The following RBFOX3 variants were observed in gnomAD, a reference collection of about 807,000 sequenced individuals.
The protein encoded by RBFOX3 is RNA binding protein fox-1 homolog 3.
In RBFOX3, 17 loss-of-function variants were observed where a neutral mutation model predicts 48.7. That is an observed-to-expected ratio of 0.35 (90% CI 0.24 to 0.52). The LOEUF (loss-of-function observed/expected upper bound fraction) is 0.52. RBFOX3 is among the 20% of genes least tolerant of loss of function. The pLI, the probability that RBFOX3 is intolerant of heterozygous loss-of-function variation, is 0.94. For synonymous variants in RBFOX3, 212 were observed against 209.5 expected (o/e 1.01, Z -0.10); for missense variants, 382 against 497.5 (o/e 0.77, Z 2.21).
intron 2 of RBFOX3, among the ~76,000 whole-genome samples, chr17:79,429,986 C>A (rs184943189): frequency 1.3e-5 from 2 of 152,040 alleles, no homozygotes; most frequent in African/African-American, 2.4e-5. Flanking sequence ...GGATGCAAGC[C>A]CCCAGCACAT....
chr17:79,611,160 CTCTCTCTCTCTCTCCGCCCTCCT>C (rs2093963066), upstream of RBFOX3, among the ~76,000 whole-genome samples: 70 of 35,764 alleles, frequency 2.0e-3, 8 homozygotes, highest in African/African-American at 3.8e-3. Flanking sequence ...CTCTCTCTCT[CTCTCTCTCTCTCTCCGCCCTCCT>C]TCTCTCTCTC....
the RBFOX3 span, among the ~76,000 whole-genome samples, chr17:79,665,084 T>A: frequency 1.3e-5 from 2 of 152,168 alleles, no homozygotes; most frequent in African/African-American, 2.4e-5. Context: ...CAGATTCAGA[T>A]ATTTGAGTCT....
chr17:79,226,892 G>C (rs1480350637), intron 4 of RBFOX3, among the ~76,000 whole-genome samples: 1 of 152,226 alleles, frequency 6.6e-6, no homozygotes, highest in African/African-American at 2.4e-5. Flanking sequence ...ACTGGATAAG[G>C]ACAGACTCCA....
intron 4 of RBFOX3, among the ~76,000 whole-genome samples, chr17:79,192,181 C>T (rs957170779): frequency 7.2e-5 from 11 of 152,152 alleles, no homozygotes; most frequent in African/African-American, 2.7e-4. Context: ...ACACAACTCT[C>T]CAGTTCCAAG....
the RBFOX3 span, among the ~76,000 whole-genome samples, chr17:79,646,378 A>G: frequency 6.6e-6 from 1 of 152,212 alleles, no homozygotes; most frequent in Non-Finnish European, 1.5e-5. Flanking sequence ...CTGTTCTCAC[A>G]CTGCTAATAC....
intron 1 of RBFOX3, among the ~76,000 whole-genome samples, chr17:79,544,975 CAAA>C (rs10584963): frequency 9.6e-4 from 78 of 81,604 alleles, no homozygotes; most frequent in African/African-American, 3.0e-3. Flanking sequence ...TCATTAAGGG[CAAA>C]AAAAAAAAAA....
intron 2 of RBFOX3, among the ~76,000 whole-genome samples, chr17:79,395,042 C>T (rs1175389927): frequency 1.3e-5 from 2 of 152,228 alleles, no homozygotes; most frequent in Non-Finnish European, 2.9e-5. Context: ...CAGTGGTGGC[C>T]ACAGCTGCTG....
intron 2 of RBFOX3, among the ~76,000 whole-genome samples, chr17:79,438,845 G>C: frequency 6.6e-6 from 1 of 152,218 alleles, no homozygotes; most frequent in Non-Finnish European, 1.5e-5. Context: ...GGAAGTCACT[G>C]CCTCAGAACT....
At position 79,240,956 on chromosome 17, in the gene RBFOX3, G is replaced by A. The variant is rs551237179; in HGVS notation, c.-73-5151C>T. 7.3e-5 allele frequency among the ~76,000 whole-genome samples: 11 copies of A among 150,118 alleles called. No homozygotes were observed. In the East Asian group the frequency reaches 8.1e-4, roughly 11 times the overall value. ...TGGGATTACAGGCATGAGCCACTGC[G>A]CCTGGCCTAAATTTTTCAATTAAAA... On this transcript the variant is annotated intron_variant, in intron 3 of 14. Transcript: ENST00000693108.
chr17:79,128,307 G>T (rs565370297), intron 4 of RBFOX3, among the ~76,000 whole-genome samples: 1 of 152,036 alleles, frequency 6.6e-6, no homozygotes, highest in African/African-American at 2.4e-5. Flanking sequence ...TGGATGAGGG[G>T]GGGACTTTGC....
intron 1 of RBFOX3, among the ~76,000 whole-genome samples, chr17:79,498,148 T>G (rs952256113): frequency 1.4e-4 from 21 of 152,218 alleles, no homozygotes; most frequent in African/African-American, 4.1e-4. Flanking sequence ...AGAGAAGGCC[T>G]TGCTATGTAA....
At chr17:79,654,534 G>A in the RBFOX3 span, among the ~76,000 whole-genome samples, 5 of 152,188 alleles carry the variant, frequency 3.3e-5, no homozygotes, top group African/African-American at 7.2e-5. Context: ...AAAGTCTACG[G>A]CCCAGCTGGA....
chr17:79,626,566 G>A, the RBFOX3 span, among the ~76,000 whole-genome samples: 3 of 152,152 alleles, frequency 2.0e-5, no homozygotes, highest in Non-Finnish European at 2.9e-5. Flanking sequence ...CAGGATTCTC[G>A]ATATTCAGCT....
intron 2 of RBFOX3, among the ~76,000 whole-genome samples, chr17:79,478,316 G>C (rs1484602281): frequency 6.6e-6 from 1 of 152,202 alleles, no homozygotes; most frequent in African/African-American, 2.4e-5. Flanking sequence ...TGGGGGCCGG[G>C]GTGGATGGAT....
At chr17:79,499,878 T>C (rs2082149363) in intron 1 of RBFOX3, among the ~76,000 whole-genome samples, 1 of 152,242 alleles carries the variant, frequency 6.6e-6, no homozygotes, top group Non-Finnish European at 1.5e-5. Flanking sequence ...AATGGGGCTC[T>C]CTATTCTTTC....
the RBFOX3 span, among the ~76,000 whole-genome samples, chr17:79,650,243 A>G: frequency 3.3e-5 from 5 of 152,108 alleles, no homozygotes; most frequent in Non-Finnish European, 7.4e-5. Context: ...TAATCACCCA[A>G]AACAGATAAG....
intron 4 of RBFOX3, among the ~76,000 whole-genome samples, chr17:79,148,503 C>G (rs774952210): frequency 2.0e-5 from 3 of 152,202 alleles, no homozygotes; most frequent in Admixed American, 6.5e-5. Context: ...CCCACACCCC[C>G]CCAGACCATG....
intron 4 of RBFOX3, among the ~76,000 whole-genome samples, chr17:79,230,845 G>A (rs1030199934): frequency 1.3e-5 from 2 of 152,206 alleles, no homozygotes; most frequent in African/African-American, 4.8e-5. Context: ...TGTTCCAGCA[G>A]CCGGGCAGTT....
chr17:79,337,528 C>T (rs552039721), intron 2 of RBFOX3, among the ~76,000 whole-genome samples: 31 of 152,358 alleles, frequency 2.0e-4, no homozygotes, highest in Non-Finnish European at 3.7e-4. Context: ...GTAATCCCAA[C>T]ACTTTGGGAG....
Sources: allele counts gnomAD v4.1 joint callset (sites outside exome capture counted in the v4.1 genomes callset), GRCh38; gene constraint gnomAD v4.1.1; transcripts MANE v1.5; gene names NCBI Gene and HGNC (gene_info 2026-07-23, HGNC 2026-07-21).